The following SV2C variants were observed in gnomAD, a reference collection of about 807,000 sequenced individuals.
The protein encoded by SV2C is solute carrier family 22 member B3.
In SV2C, 49 loss-of-function variants were observed where a neutral mutation model predicts 79.7. That is an observed-to-expected ratio of 0.61 (90% CI 0.49 to 0.78). The LOEUF is 0.78. Among genes scored for constraint, SV2C ranks in the 30% least tolerant of loss-of-function variants. SV2C has a pLI of 0.00. For missense variants in SV2C, 833 were observed against 912.9 expected (o/e 0.91, Z 1.13); for synonymous variants, 334 against 333.2 (o/e 1.00, Z -0.03).
At chr5:76,050,538 C>T in the SV2C span, among the ~76,000 whole-genome samples, 1 of 152,176 alleles carries the variant, frequency 6.6e-6, no homozygotes, top group Non-Finnish European at 1.5e-5. Context: ...TTCCTTCACT[C>T]ATTTGTTCCT....
the SV2C span, among the ~76,000 whole-genome samples, chr5:75,881,513 A>G: frequency 5.9e-5 from 9 of 152,084 alleles, no homozygotes; most frequent in Admixed American, 5.9e-4. Flanking sequence ...GGTCCTTCAC[A>G]TCCCTTGTAA....
the SV2C span, among the ~76,000 whole-genome samples, chr5:76,077,610 C>G: frequency 6.6e-6 from 1 of 152,154 alleles, no homozygotes. Flanking sequence ...ATGGGGGCAC[C>G]AGCCACAAGA....
chr5:75,873,270 A>G, the SV2C span, among the ~76,000 whole-genome samples: 1 of 152,294 alleles, frequency 6.6e-6, no homozygotes, highest in South Asian at 2.1e-4. Flanking sequence ...GCCCCAATGA[A>G]AATGTAGACA....
At chr5:76,036,420 G>C in the SV2C span, among the ~76,000 whole-genome samples, 16 of 152,084 alleles carry the variant, frequency 1.1e-4, no homozygotes, top group Admixed American at 5.2e-4. Context: ...TCCTTCAGGA[G>C]CTCCTTTAGG....
intron 2 of SV2C, among the ~76,000 whole-genome samples, chr5:76,134,368 A>T (rs769049760): frequency 4.6e-5 from 7 of 152,170 alleles, no homozygotes; most frequent in African/African-American, 1.7e-4. Context: ...GCATTCTAAC[A>T]GAGTCTTTTT....
chr5:76,088,009 G>A (rs1747254687), intron 1 of SV2C, among the ~76,000 whole-genome samples: 1 of 152,168 alleles, frequency 6.6e-6, no homozygotes, highest in Non-Finnish European at 1.5e-5. Context: ...CCTTTGCATG[G>A]CCTTCAGAGC....
chr5:76,203,174 G>GA (rs1744504924), intron 3 of SV2C, among the ~76,000 whole-genome samples: 1 of 152,160 alleles, frequency 6.6e-6, no homozygotes, highest in African/African-American at 2.4e-5. Context: ...GTATAATTGT[G>GA]AAAAATTAGC....
At chr5:76,133,420 A>G (rs943357135) in intron 2 of SV2C, among the ~76,000 whole-genome samples, 1 of 152,234 alleles carries the variant, frequency 6.6e-6, no homozygotes, top group Non-Finnish European at 1.5e-5. Context: ...TGAGGCTGAG[A>G]AATTTCCTGG....
the SV2C span, chr5:75,920,535 C>T: frequency 2.4e-5 from 11 of 463,420 alleles, no homozygotes; most frequent in East Asian, 4.3e-4. Context: ...TGTCTGGTCA[C>T]ACCATCTTGG....
At chr5:76,098,304 C>T (rs1431501008) in intron 1 of SV2C, among the ~76,000 whole-genome samples, 1 of 152,208 alleles carries the variant, frequency 6.6e-6, no homozygotes, top group Non-Finnish European at 1.5e-5. Flanking sequence ...GGCTGAAGGC[C>T]TGGTGACCAA....
At chr5:75,976,957 A>G in the SV2C span, among the ~76,000 whole-genome samples, 6 of 152,360 alleles carry the variant, frequency 3.9e-5, no homozygotes, top group Non-Finnish European at 7.3e-5. Flanking sequence ...GATGCTCATT[A>G]CAAGTCATAA....
chr5:76,048,717 G>A, the SV2C span, among the ~76,000 whole-genome samples: 8 of 151,736 alleles, frequency 5.3e-5, no homozygotes, highest in South Asian at 4.2e-4. Flanking sequence ...AGGAAAGACC[G>A]TGTAAGAACA....
the SV2C span, among the ~76,000 whole-genome samples, chr5:76,073,544 T>TATATATATATATAC: frequency 3.3e-5 from 4 of 121,090 alleles, no homozygotes; most frequent in Non-Finnish European, 5.1e-5. Flanking sequence ...TATATATATA[T>TATATATATATATAC]ACACCATGGA....
intron 4 of SV2C, among the ~76,000 whole-genome samples, chr5:76,278,695 G>T (rs1159794110): frequency 6.6e-6 from 1 of 152,248 alleles, no homozygotes; most frequent in East Asian, 1.9e-4. Flanking sequence ...AAGCCAGTTA[G>T]AGGACCAGCA....
intron 1 of SV2C, among the ~76,000 whole-genome samples, chr5:76,127,317 A>G (rs1345379103): frequency 6.6e-6 from 1 of 152,250 alleles, no homozygotes; most frequent in African/African-American, 2.4e-5. Flanking sequence ...GTCATGAACC[A>G]TCAAAGGAGC....
At chr5:75,912,058 G>T in the SV2C span, among the ~76,000 whole-genome samples, 1 of 152,170 alleles carries the variant, frequency 6.6e-6, no homozygotes, top group East Asian at 1.9e-4. Flanking sequence ...GTGGAGTGAG[G>T]CAGGCTGAGG....
chr5:75,865,970 C>A, the SV2C span, among the ~76,000 whole-genome samples: 1 of 152,124 alleles, frequency 6.6e-6, no homozygotes, highest in Non-Finnish European at 1.5e-5. Flanking sequence ...ACTGACAAAA[C>A]CTGTTGTAAC....
At chr5:76,340,162 AC>A (rs1331368906) in intron 12 of SV2C, among the ~76,000 whole-genome samples, 1 of 152,182 alleles carries the variant, frequency 6.6e-6, no homozygotes, top group Non-Finnish European at 1.5e-5. Flanking sequence ...TCAAGAATTT[AC>A]CCTATATGGT....
At chr5:75,868,673 T>C in the SV2C span, among the ~76,000 whole-genome samples, 1 of 152,132 alleles carries the variant, frequency 6.6e-6, no homozygotes, top group African/African-American at 2.4e-5. Flanking sequence ...CTGAGGGTGG[T>C]GACATATAAT....
Sources: allele counts gnomAD v4.1 joint callset (sites outside exome capture counted in the v4.1 genomes callset), GRCh38; gene constraint gnomAD v4.1.1; transcripts MANE v1.5; gene names NCBI Gene and HGNC (gene_info 2026-07-23, HGNC 2026-07-21).